The following GALNT17 variants were observed in gnomAD, a reference collection of about 807,000 sequenced individuals.
The protein encoded by GALNT17 is polypeptide N-acetylgalactosaminyltransferase 17, also known as UDP-GalNAc:polypeptide N-acetylgalactosaminyltransferase-like 3.
Under a neutral mutation model 63.7 loss-of-function variants are expected in GALNT17, and 29 were observed. The observed-to-expected ratio is 0.46, with a 90% CI of 0.34 to 0.62. GALNT17 has a LOEUF of 0.62. Ranked by LOEUF, GALNT17 falls within the 20% of genes least tolerant of loss-of-function variation. GALNT17 has a pLI of 0.01. For synonymous variants in GALNT17, 305 were observed against 318.3 expected (o/e 0.96, Z 0.45); for missense variants, 603 against 799.6 (o/e 0.75, Z 2.97).
In GALNT17 at chr7:71,225,229, A is replaced by G. The variant is rs548416494; in HGVS notation, c.238+92189A>G. Among the ~76,000 whole-genome samples, 4 of 152,294 alleles carry G rather than the reference A, an allele frequency of 2.6e-5. No homozygotes were observed. The East Asian group carries it at 7.7e-4, about 29-fold the overall frequency. On this transcript the variant is annotated intron_variant, in intron 1 of 10. Transcript: ENST00000333538. ...AGTGATCTGCCCGCCTCAGCCTCCCAAAGTGCTGGGATTATAGGCATGAGC... is the reference window on the plus strand; with the variant it reads ...AGTGATCTGCCCGCCTCAGCCTCCCGAAGTGCTGGGATTATAGGCATGAGC...
chr7:71,580,353 TA>T (rs1789614540), intron 6 of GALNT17, among the ~76,000 whole-genome samples: 1 of 151,628 alleles, frequency 6.6e-6, no homozygotes, highest in Non-Finnish European at 1.5e-5. Flanking sequence ...GATGATAGAT[TA>T]GACAGATGAT....
intron 9 of GALNT17, among the ~76,000 whole-genome samples, chr7:71,700,613 C>T (rs1584147531): frequency 6.6e-6 from 1 of 151,508 alleles, no homozygotes; most frequent in Admixed American, 6.6e-5. Flanking sequence ...TTCTCCAAAA[C>T]ACCACATTTC....
rs201089978 is a variant in GALNT17 at position 71,182,174 on chromosome 7, T to TA, written c.238+49142dup. On this transcript the variant is annotated intron_variant, in intron 1 of 10. Transcript: ENST00000333538. Reference sequence around the variant, plus strand: ...TGGGCATCAAGAGCGAAACTCCATCTAAAAAAAATAAATAAATAAGAGAGA... The same window carrying TA: ...TGGGCATCAAGAGCGAAACTCCATCTAAAAAAAAATAAATAAATAAGAGAGA... Among the ~76,000 whole-genome samples, 887 of 151,476 alleles carry TA rather than the reference T, an allele frequency of 5.9e-3. 8 individuals are homozygous for TA. Among genetic ancestry groups the TA allele is most frequent in the African/African-American group, 0.021 (847 of 41,032 alleles).
intron 5 of GALNT17, among the ~76,000 whole-genome samples, chr7:71,525,704 A>C (rs1788613032): frequency 7.8e-6 from 1 of 128,094 alleles, no homozygotes; most frequent in Non-Finnish European, 1.7e-5. Context: ...TTAATAAATT[A>C]CTGAAATTAC....
chr7:71,669,044 G>GT (rs1562729106), intron 7 of GALNT17, among the ~76,000 whole-genome samples: 1 of 152,180 alleles, frequency 6.6e-6, no homozygotes, highest in African/African-American at 2.4e-5. Context: ...AAGGAAATGC[G>GT]TAAGAGCAGA....
chr7:71,182,953 C>T (rs766450538), intron 1 of GALNT17, among the ~76,000 whole-genome samples: 1 of 152,064 alleles, frequency 6.6e-6, no homozygotes, highest in Non-Finnish European at 1.5e-5. Context: ...GCAAGCTGGC[C>T]CTTTGGATGC....
At chr7:71,337,651 C>T (rs1477947843) in intron 2 of GALNT17, among the ~76,000 whole-genome samples, 5 of 152,130 alleles carry the variant, frequency 3.3e-5, no homozygotes, top group African/African-American at 1.2e-4. Context: ...GGGTGGATCA[C>T]GAGGTCAGGA....
chr7:71,193,870 A>C (rs1788998107), intron 1 of GALNT17, among the ~76,000 whole-genome samples: 1 of 152,212 alleles, frequency 6.6e-6, no homozygotes, highest in Non-Finnish European at 1.5e-5. Context: ...GTCCACGTGC[A>C]GTTAAAAACG....
intron 5 of GALNT17, among the ~76,000 whole-genome samples, chr7:71,521,116 CGT>C (rs1264084442): frequency 6.6e-6 from 1 of 152,188 alleles, no homozygotes; most frequent in African/African-American, 2.4e-5. Flanking sequence ...TCATTGAACA[CGT>C]GTGTGCACAT....
At chr7:71,304,531 G>T (rs569207714) in intron 1 of GALNT17, among the ~76,000 whole-genome samples, 3 of 152,012 alleles carry the variant, frequency 2.0e-5, no homozygotes, top group Admixed American at 1.3e-4. Context: ...ACACTCCAAG[G>T]GCATCATTCT....
rs57171551 is a variant in GALNT17, at chr7:71,376,425, G to GTTTTTTT, written c.423-11788_423-11782dup. Reference sequence around the variant, plus strand: ...TTAATAAAACTTAAGGTTTGGAGTTGTTTTTTTTTTTTTTTTTTTTTTTTT... The same window carrying GTTTTTTT: ...TTAATAAAACTTAAGGTTTGGAGTTGTTTTTTTTTTTTTTTTTTTTTTTTTTTTTTTT... On this transcript the variant is annotated intron_variant, in intron 2 of 10. Transcript: ENST00000333538. Among the ~76,000 whole-genome samples the GTTTTTTT allele has an allele frequency of 4.9e-4, 31 of 63,372 alleles. 2 individuals carry two copies. Among genetic ancestry groups the GTTTTTTT allele is most frequent in the East Asian group, 2.2e-3 (3 of 1,390 alleles). The allele number at this position is 63,372 out of a possible 152,430, so 41.6% of individuals were successfully genotyped here.
chr7:71,700,305 CA>C (rs60522666), intron 9 of GALNT17, among the ~76,000 whole-genome samples: 7,135 of 134,552 alleles, frequency 0.053, 544 homozygotes, highest in African/African-American at 0.18. Flanking sequence ...GAGACTTTCT[CA>C]AAAAAAAAAA....
intron 6 of GALNT17, among the ~76,000 whole-genome samples, chr7:71,629,396 A>G (rs1790424024): frequency 6.6e-6 from 1 of 152,196 alleles, no homozygotes; most frequent in African/African-American, 2.4e-5. Flanking sequence ...TCCTGAAGAC[A>G]TTACAAACTC....
chr7:71,362,829 G>T (rs982272424), intron 2 of GALNT17, among the ~76,000 whole-genome samples: 1 of 152,292 alleles, frequency 6.6e-6, no homozygotes, highest in Middle Eastern at 3.4e-3. Flanking sequence ...GGGCGACTCA[G>T]GTCTTGACTG....
chr7:71,349,152 G>A (rs1044722731), intron 2 of GALNT17, among the ~76,000 whole-genome samples: 3 of 152,222 alleles, frequency 2.0e-5, no homozygotes, highest in African/African-American at 7.2e-5. Context: ...CTGTTTATGT[G>A]TGGAGTTCTT....
chr7:71,413,206 G>A (rs1474512798), intron 3 of GALNT17, among the ~76,000 whole-genome samples: 4 of 152,116 alleles, frequency 2.6e-5, no homozygotes, highest in Non-Finnish European at 5.9e-5. Context: ...GTCCAGATCT[G>A]CTGCATAACT....
At chr7:71,638,732 T>C (rs1790563003) in intron 6 of GALNT17, among the ~76,000 whole-genome samples, 1 of 151,962 alleles carries the variant, frequency 6.6e-6, no homozygotes, top group Admixed American at 6.6e-5. Context: ...ATCCAAAGAG[T>C]AGGTGAGGCC....
At chr7:71,317,911 A>C (rs1472812878) in intron 1 of GALNT17, among the ~76,000 whole-genome samples, 5 of 151,504 alleles carry the variant, frequency 3.3e-5, no homozygotes, top group Non-Finnish European at 7.4e-5. Flanking sequence ...TTGAGTTTTT[A>C]TTATTCATAA....
chr7:71,270,538 CAA>C (rs573250852), intron 1 of GALNT17, among the ~76,000 whole-genome samples: 19,296 of 89,318 alleles, frequency 0.22, 1,064 homozygotes, highest in South Asian at 0.34. Context: ...CCCACCCCAC[CAA>C]AAAAAAAAAA....
Sources: gnomAD v4.1 joint callset for allele counts (sites outside exome capture counted in the v4.1 genomes callset) on GRCh38, gnomAD v4.1.1 for gene constraint, MANE v1.5 for transcripts, NCBI Gene and HGNC (gene_info 2026-07-23, HGNC 2026-07-21) for gene names.